CFAP52: variants seen among roughly 807,000 people sequenced by gnomAD.
CFAP52 encodes cilia- and flagella-associated protein 52.
CFAP52 carries 57 observed loss-of-function variants against 70.5 expected under a neutral mutation model. The observed-to-expected ratio is 0.81, with a 90% CI of 0.65 to 1.01. The LOEUF (loss-of-function observed/expected upper bound fraction) is 1.01, where lower values mean the gene tolerates loss of function less well. Among genes scored for constraint, CFAP52 ranks in the 50% least tolerant of loss-of-function variants. The pLI, the probability that CFAP52 is intolerant of heterozygous loss-of-function variation, is 0.00. For missense variants in CFAP52, 785 were observed against 788.5 expected (o/e 1.00, Z 0.05); for synonymous variants, 267 against 292.5 (o/e 0.91, Z 0.89).
intron 1 of CFAP52, among the ~76,000 whole-genome samples, chr17:9,583,343 AG>A (rs1908307377): frequency 1.3e-5 from 2 of 152,232 alleles, no homozygotes; most frequent in African/African-American, 4.8e-5. Context: ...ATTTAGCTAC[AG>A]GAATCACATA....
At chr17:9,578,598 T>C (rs1329579332) in intron 1 of CFAP52, among the ~76,000 whole-genome samples, 1 of 151,938 alleles carries the variant, frequency 6.6e-6, no homozygotes, top group Non-Finnish European at 1.5e-5. Context: ...CGCTCTGTTG[T>C]GTAATGGCAC....
chr17:9,583,610 A>G (rs1384955005), intron 1 of CFAP52, among the ~76,000 whole-genome samples: 1 of 152,164 alleles, frequency 6.6e-6, no homozygotes, highest in Non-Finnish European at 1.5e-5. Context: ...GAGGTATTTT[A>G]TATTATTATA....
intron 9 of CFAP52, among the ~76,000 whole-genome samples, chr17:9,632,560 G>A (rs1910599254): frequency 6.6e-6 from 1 of 152,128 alleles, no homozygotes; most frequent in African/African-American, 2.4e-5. Flanking sequence ...AGGTACCAGT[G>A]GAACTGTTGA....
chr17:9,598,158 T>G, intron 4 of CFAP52, 76 bp from the exon 5 acceptor site: 1 of 1,175,734 alleles, frequency 8.5e-7, no homozygotes, highest in South Asian at 1.3e-5. Context: ...ATCTCTTCCC[T>G]TCAGTTTCAG....
At chr17:9,588,471 G>A (rs539266285) in intron 3 of CFAP52, among the ~76,000 whole-genome samples, 1 of 152,240 alleles carries the variant, frequency 6.6e-6, no homozygotes, top group East Asian at 1.9e-4. Flanking sequence ...GCGGAGGCAG[G>A]GCAGACAGTG....
At chr17:9,588,775 T>TTC (rs546882401) in intron 3 of CFAP52, among the ~76,000 whole-genome samples, 1 of 56 alleles carries the variant, frequency 0.018, no homozygotes, top group Non-Finnish European at 0.071. Context: ...CAGAAAAGAA[T>TTC]TTTTTTTTTT....
In CFAP52 at chr17:9,576,673, A is replaced by C. The variant is rs745586152; in HGVS notation, c.-23A>C. ...CGCTGCAGCCACTAGGGAGGAGAGC[A>C]AAGTAATCAGAACCTCCCAAGGATG... On this transcript the variant is annotated 5_prime_UTR_variant, in exon 1 of 14. Coordinates refer to ENST00000352665, the MANE Select transcript of CFAP52 (RefSeq NM_145054.5). 1.9e-5 allele frequency: 31 copies of C among 1,601,816 alleles called. 1 individual carries two copies. In the East Asian group the frequency reaches 2.3e-4, roughly 12 times the overall value.
chr17:9,635,663 T>G, intron 11 of CFAP52, 107 bp downstream of exon 11: 1 of 1,425,412 alleles, frequency 7.0e-7, no homozygotes, highest in Non-Finnish European at 9.6e-7. Flanking sequence ...AAATCTTATT[T>G]AAGGCAACAC....
At chr17:9,635,338 G>T (rs564506943) in intron 10 of CFAP52, 67 bp from the exon 11 acceptor site, 5 of 1,579,688 alleles carry the variant, frequency 3.2e-6, no homozygotes, top group East Asian at 4.5e-5. Flanking sequence ...AAAAGCTCTT[G>T]GAATCTTTTC....
intron 2 of CFAP52, 81 bp from the exon 3 acceptor site, chr17:9,586,617 G>T: frequency 2.6e-4 from 318 of 1,237,272 alleles, no homozygotes; most frequent in Non-Finnish European, 3.2e-4. Context: ...AGTACTAATT[G>T]TTTTTCACCA....
At chr17:9,592,698 A>AT (rs149990362) in intron 3 of CFAP52, among the ~76,000 whole-genome samples, 2,731 of 152,224 alleles carry the variant, frequency 0.018, 92 homozygotes, top group African/African-American at 0.063. Flanking sequence ...ACAGTATTTC[A>AT]TTTTTTATCA....
chr17:9,632,822 CA>C, intron 9 of CFAP52, 65 bp from the exon 10 acceptor site: 1 of 1,568,436 alleles, frequency 6.4e-7, no homozygotes, highest in Non-Finnish European at 8.7e-7. Context: ...TTAGTGAGGC[CA>C]GCAGACTGTG....
intron 1 of CFAP52, among the ~76,000 whole-genome samples, chr17:9,584,577 A>G (rs949112959): frequency 3.6e-5 from 5 of 138,950 alleles, no homozygotes; most frequent in African/African-American, 1.0e-4. Context: ...GAAAACACTT[A>G]AGATCAACTC....
rs377695807 is a variant in CFAP52 at position 9,579,754 on chromosome 17, C to G, written c.70+2989C>G. Among the ~76,000 whole-genome samples the G allele has an allele frequency of 2.0e-5, 3 of 152,172 alleles. No homozygotes were observed. In the East Asian group the frequency reaches 5.8e-4, roughly 29 times the overall value. On this transcript the variant is annotated intron_variant, in intron 1 of 13. Transcript: ENST00000352665. ...GGCTAATTTTTGTATTTTTAATAGACACGGTGTTTCGCCACGTTGGCCAGG... is the reference window on the plus strand; with the variant it reads ...GGCTAATTTTTGTATTTTTAATAGAGACGGTGTTTCGCCACGTTGGCCAGG...
intron 4 of CFAP52, among the ~76,000 whole-genome samples, chr17:9,595,174 TC>T (rs1157696526): frequency 6.6e-6 from 1 of 152,102 alleles, no homozygotes; most frequent in African/African-American, 2.4e-5. Context: ...ATTTTAGAAA[TC>T]CTTTTTTAAT....
chr17:9,638,858 C>CATAT (rs1451539572), intron 12 of CFAP52, 147 bp downstream of exon 12: 3 of 693,116 alleles, frequency 4.3e-6, no homozygotes, highest in African/African-American at 3.6e-5. Context: ...TTGGAAAGGC[C>CATAT]ATATCACCTT....
chr17:9,628,955 A>C, intron 9 of CFAP52, 135 bp downstream of exon 9: 4 of 1,319,832 alleles, frequency 3.0e-6, no homozygotes, highest in Non-Finnish European at 4.1e-6. Flanking sequence ...CTTGCTTCTA[A>C]TCTAGCCTCT....
rs773119476 is a variant in CFAP52 at position 9,576,713 on chromosome 17, G to T, written c.18G>T (p.Ser6=). The T allele has an allele frequency of 1.2e-6, 2 of 1,612,216 alleles. No homozygotes were observed. The change falls in exon 1 of 14, where the codon TCG becomes TCT. Residue 6 remains serine (S), a synonymous_variant. Coordinates refer to ENST00000352665, the MANE Select transcript of CFAP52 (RefSeq NM_145054.5). ...TCCCAAGGATGGATAACAAAATTTC[G>T]CCGGAGGCCCAAGTGGCGGAGCTGG... MDNKI[S]PEAQVAELEL... is the part of the protein sequence containing the mutation.
rs143961097 is a variant in CFAP52 at position 9,598,053 on chromosome 17, G to A, written c.537-181G>A. Among the ~76,000 whole-genome samples, 524 of 151,984 alleles carry A rather than the reference G, an allele frequency of 3.4e-3. 1 individual carries two copies. Among genetic ancestry groups the A allele is most frequent in the African/African-American group, 0.012 (493 of 41,464 alleles). ...TCCGCACTTTCTAATTTGGGAGGGG[G>A]GATCATAAAACCTGCCTCGTGGTGG... On this transcript the variant is annotated intron_variant, in intron 4 of 13. Coordinates refer to ENST00000352665, the MANE Select transcript of CFAP52 (RefSeq NM_145054.5).
Sources: gnomAD v4.1 joint callset for allele counts (sites outside exome capture counted in the v4.1 genomes callset) on GRCh38, gnomAD v4.1.1 for gene constraint, MANE v1.5 for transcripts, NCBI Gene and HGNC (gene_info 2026-07-23, HGNC 2026-07-21) for gene names.